The following DPP6 variants were observed in gnomAD, a reference collection of about 807,000 sequenced individuals.
DPP6 encodes the protein A-type potassium channel modulatory protein DPP6.
In DPP6, 69 loss-of-function variants were observed where a neutral mutation model predicts 122.6. The observed-to-expected ratio is 0.56, with a 90% CI of 0.46 to 0.69. The LOEUF is 0.69. Among genes scored for constraint, DPP6 ranks in the 30% least tolerant of loss-of-function variants. The pLI is 0.00. For synonymous variants in DPP6, 418 were observed against 433.1 expected (o/e 0.97, Z 0.43); for missense variants, 928 against 1,116.9 (o/e 0.83, Z 2.41).
intron 1 of DPP6, among the ~76,000 whole-genome samples, chr7:153,923,589 G>A (rs1034183369): frequency 7.3e-5 from 11 of 151,712 alleles, no homozygotes; most frequent in Admixed American, 2.0e-4. Context: ...GTGAAACCTC[G>A]TCTCTACTAA....
In DPP6 at chr7:154,893,331, C is replaced by G; in HGVS notation, c.*851C>G. 5.0e-6 allele frequency: 1 copy of G among 199,452 alleles called. No individual in the cohort carries two copies. Among genetic ancestry groups the G allele is most frequent in the South Asian group, 8.8e-5 (1 of 11,390 alleles). 12.4% of individuals were successfully genotyped at this position (199,452 alleles called of 1,614,324 possible). On this transcript the variant is annotated 3_prime_UTR_variant, in exon 26 of 26. Transcript: ENST00000377770. ...TAAAAGAAATACCTAAATAAAACCT[C>G]TCTCCCACTCAGCTATGCTAGGGCT... is the stretch of plus-strand genomic sequence containing the variant.
intron 6 of DPP6, among the ~76,000 whole-genome samples, chr7:154,642,406 T>C (rs1836160294): frequency 6.7e-6 from 1 of 149,706 alleles, no homozygotes; most frequent in Admixed American, 6.7e-5. Context: ...CAGCCTGGCC[T>C]GTTGCAAAAC....
At chr7:153,752,723 T>G in the DPP6 span, among the ~76,000 whole-genome samples, 8 of 122,498 alleles carry the variant, frequency 6.5e-5, 1 homozygote, top group African/African-American at 2.3e-4. Flanking sequence ...GGTATGTGCC[T>G]GAGGTCCTAT....
At chr7:154,018,305 T>C (rs1263105269) in intron 1 of DPP6, among the ~76,000 whole-genome samples, 1 of 151,958 alleles carries the variant, frequency 6.6e-6, no homozygotes, top group Non-Finnish European at 1.5e-5. Flanking sequence ...TCAATGATCT[T>C]GAGATCAATA....
At chr7:153,825,591 ACT>A in the DPP6 span, among the ~76,000 whole-genome samples, 11 of 151,598 alleles carry the variant, frequency 7.3e-5, no homozygotes, top group African/African-American at 2.7e-4. Context: ...GAGACATCTC[ACT>A]CTGTTGCTCA....
At chr7:153,753,095 T>A in the DPP6 span, among the ~76,000 whole-genome samples, 1 of 151,954 alleles carries the variant, frequency 6.6e-6, no homozygotes, top group Non-Finnish European at 1.5e-5. Context: ...CTCTATCTGA[T>A]GTTGTAATTG....
intron 1 of DPP6, among the ~76,000 whole-genome samples, chr7:154,223,936 A>G (rs1273063084): frequency 6.7e-6 from 1 of 148,580 alleles, no homozygotes; most frequent in Non-Finnish European, 1.5e-5. Context: ...CTGGGAAGAC[A>G]CTGTGGCCCA....
intron 7 of DPP6, among the ~76,000 whole-genome samples, chr7:154,685,413 A>C (rs976980656): frequency 1.3e-5 from 2 of 152,188 alleles, no homozygotes; most frequent in African/African-American, 4.8e-5. Context: ...CTGCATGCCC[A>C]GAGGCTCTGG....
At chr7:154,005,003 T>C (rs909941233) in intron 1 of DPP6, among the ~76,000 whole-genome samples, 33 of 152,216 alleles carry the variant, frequency 2.2e-4, no homozygotes, top group African/African-American at 7.7e-4. Context: ...TCTTTTTCTG[T>C]GCATTCCTGG....
intron 17 of DPP6, among the ~76,000 whole-genome samples, chr7:154,854,766 C>T (rs550893851): frequency 8.5e-5 from 13 of 152,152 alleles, no homozygotes; most frequent in African/African-American, 2.9e-4. Flanking sequence ...TCCGTGTTTA[C>T]GCGAGGGATG....
intron 1 of DPP6, among the ~76,000 whole-genome samples, chr7:154,290,109 G>A (rs1805109548): frequency 6.6e-6 from 1 of 152,106 alleles, no homozygotes; most frequent in African/African-American, 2.4e-5. Context: ...ACAAATGAAA[G>A]GTAAAAACAA....
chr7:154,295,010 C>T lies in DPP6; in HGVS notation c.244-151204C>T, dbSNP rs534231885. 1.6e-3 allele frequency among the ~76,000 whole-genome samples: 243 copies of T among 152,316 alleles called. 2 individuals carry two copies. The highest frequency in any genetic ancestry group is 5.5e-3 in the African/African-American group (228 of 41,578). ...GAGGAGCATGGTGGTGCCGTGCCAT[C>T]GAGGGCCAACCTGTGGGCAGACCTG... On this transcript the variant is annotated intron_variant, in intron 1 of 25. Coordinates refer to ENST00000377770, the MANE Select transcript of DPP6 (RefSeq NM_130797.4).
rs140245464 is a variant in DPP6 at position 154,892,788 on chromosome 7, G to A, written c.*308G>A. ...ACAGAGCAAAGGATGGTGGCCGCAG[G>A]CCCCACGCGAGCCCACAGGACACCG... On this transcript the variant is annotated 3_prime_UTR_variant, in exon 26 of 26. Transcript: ENST00000377770. 1,366 of 600,908 alleles carry A rather than the reference G, an allele frequency of 2.3e-3. 15 individuals carry two copies. In the African/African-American group the frequency reaches 0.023, roughly 10 times the overall value. 37.2% of individuals were successfully genotyped at this position (600,908 alleles called of 1,614,324 possible). A position where few individuals can be genotyped will look rare whatever the true frequency, so the allele number is the denominator to read the frequency against.
chr7:154,125,206 C>G (rs1303118020), intron 1 of DPP6, among the ~76,000 whole-genome samples: 1 of 152,206 alleles, frequency 6.6e-6, no homozygotes, highest in South Asian at 2.1e-4. Context: ...AGACATGACA[C>G]TCTGCTGTGT....
Position 154,531,988 on chromosome 7 carries a change from A to C in DPP6, c.458-8544A>C, listed in dbSNP as rs1163226175. Among the ~76,000 whole-genome samples, 10 of 152,156 alleles carry C rather than the reference A, an allele frequency of 6.6e-5. No homozygotes were observed. The East Asian group carries it at 1.7e-3, about 26-fold the overall frequency. ...GAAAGCCAAATAATGAGAGAGAAACAAGACAGAGGAGACACTTAGAAAACA... is the reference window on the plus strand; with the variant it reads ...GAAAGCCAAATAATGAGAGAGAAACCAGACAGAGGAGACACTTAGAAAACA... On this transcript the variant is annotated intron_variant, in intron 3 of 25. Coordinates refer to ENST00000377770, the MANE Select transcript of DPP6 (RefSeq NM_130797.4).
the DPP6 span, among the ~76,000 whole-genome samples, chr7:153,821,944 T>C: frequency 6.6e-6 from 1 of 152,138 alleles, no homozygotes. Flanking sequence ...TTTATACAGC[T>C]GGGGACCTAC....
chr7:153,884,987 A>AATATATATATATATATAT (rs56329841), upstream of DPP6, among the ~76,000 whole-genome samples: 15 of 116,452 alleles, frequency 1.3e-4, no homozygotes, highest in African/African-American at 3.5e-4. Flanking sequence ...TCAAAACAAA[A>AATATATATATATATATAT]ATATATATAT....
At chr7:154,155,513 G>A (rs761744448) in intron 1 of DPP6, among the ~76,000 whole-genome samples, 2 of 152,188 alleles carry the variant, frequency 1.3e-5, no homozygotes, top group Non-Finnish European at 1.5e-5. Context: ...CTACACTCCA[G>A]TTCTGGGAGT....
intron 16 of DPP6, among the ~76,000 whole-genome samples, chr7:154,850,995 T>C (rs1802325939): frequency 2.0e-5 from 3 of 152,250 alleles, no homozygotes; most frequent in Admixed American, 2.0e-4. Flanking sequence ...TGTCTATGTT[T>C]AAAATACGTG....
Sources: gnomAD v4.1 joint callset for allele counts (sites outside exome capture counted in the v4.1 genomes callset) on GRCh38, gnomAD v4.1.1 for gene constraint, MANE v1.5 for transcripts, NCBI Gene and HGNC (gene_info 2026-07-23, HGNC 2026-07-21) for gene names.